The following GOLGA5 variants were observed in gnomAD, a reference collection of about 807,000 sequenced individuals.
GOLGA5 encodes the protein golgin subfamily A member 5.
GOLGA5 carries 50 observed loss-of-function variants against 93.5 expected under a neutral mutation model. The ratio of observed to expected loss-of-function variants is 0.53; its 90% confidence interval spans 0.43 to 0.68. The LOEUF (loss-of-function observed/expected upper bound fraction) is 0.68, where lower values mean the gene tolerates loss of function less well. GOLGA5 is among the 30% of genes least tolerant of loss of function. The probability of loss-of-function intolerance (pLI) is 0.00; values close to 1 mark genes in which losing one functional copy is unlikely to be tolerated. For missense variants in GOLGA5, 760 were observed against 856.4 expected, an observed-to-expected ratio of 0.89 and a Z score of 1.40; for synonymous variants, 312 against 304.5, an observed-to-expected ratio of 1.02 and a Z score of -0.26.
In GOLGA5 at chr14:92,799,839, T is replaced by G. The variant is rs1253016948; in HGVS notation, c.544+1858T>G. 2.7e-5 allele frequency among the ~76,000 whole-genome samples: 4 copies of G among 149,310 alleles called. No homozygotes were observed. In the East Asian group the frequency reaches 8.2e-4, roughly 30 times the overall value. On this transcript the variant is annotated intron_variant, in intron 2 of 12. Coordinates refer to ENST00000163416, the MANE Select transcript of GOLGA5 (RefSeq NM_005113.4). ...CCAGGCTGGTCTTGAACTCCGGACC[T>G]CAAGTCATCTGCCCACCTTGGCCTC...
At chr14:92,814,583 A>T (rs1595596540) in intron 6 of GOLGA5, among the ~76,000 whole-genome samples, 1 of 152,320 alleles carries the variant, frequency 6.6e-6, no homozygotes, top group East Asian at 1.9e-4. Context: ...AAAAATCTTA[A>T]AATGTTATAA....
chr14:92,821,379 T>G (rs918840875), intron 8 of GOLGA5, among the ~76,000 whole-genome samples: 1 of 152,170 alleles, frequency 6.6e-6, no homozygotes, highest in African/African-American at 2.4e-5. Flanking sequence ...CAAGCCAAAT[T>G]ATTTTACTTT....
intron 1 of GOLGA5, among the ~76,000 whole-genome samples, chr14:92,795,227 C>G (rs1175094220): frequency 6.6e-6 from 1 of 152,236 alleles, no homozygotes; most frequent in Non-Finnish European, 1.5e-5. Flanking sequence ...GCGTGAGCCA[C>G]AGTGCCTGGC....
rs765789948 is a variant in GOLGA5 at position 92,819,739 on chromosome 14, A to G, written c.1523A>G (p.Glu508Gly). The change falls in exon 8 of 13, where the codon GAA (glutamate) becomes GGA (glycine). Residue 508 changes from glutamate (E) to glycine (G), a missense_variant. Glu to Gly is a moderately conservative substitution (Grantham distance 98). Transcript: ENST00000163416. Reference protein sequence around the residue: ...DMEAQQVNEAESAREQLQDLH... With the variant: ...DMEAQQVNEAGSAREQLQDLH... ...GAGGCACAGCAAGTTAATGAAGCAG[A>G]ATCAGCAAGAGAACAGTTACAGGAT... is the stretch of plus-strand genomic sequence containing the variant. 29 of 1,613,936 alleles carry G rather than the reference A, an allele frequency of 1.8e-5. No individual in the cohort carries two copies. In the South Asian group the frequency reaches 3.1e-4, roughly 17 times the overall value.
At chr14:92,808,888 G>A (rs1885047052) in intron 3 of GOLGA5, among the ~76,000 whole-genome samples, 1 of 152,176 alleles carries the variant, frequency 6.6e-6, no homozygotes, top group African/African-American at 2.4e-5. Flanking sequence ...TTTTGCAACA[G>A]TAATTGAAAG....
chr14:92,816,568 CCTCTT>C (rs1436204037), intron 7 of GOLGA5, 147 bp downstream of exon 7: 13 of 633,376 alleles, frequency 2.1e-5, no homozygotes, highest in Non-Finnish European at 3.0e-5. Context: ...TCCTCCTCTT[CCTCTT>C]CTCTTCTTTT....
At chr14:92,830,909 CTT>C (rs938494627) in intron 9 of GOLGA5, among the ~76,000 whole-genome samples, 3 of 152,154 alleles carry the variant, frequency 2.0e-5, no homozygotes, top group Admixed American at 6.6e-5. Flanking sequence ...CTAAATATAA[CTT>C]TTATATGCAC....
chr14:92,819,631 TAAAAAAG>T lies in GOLGA5; in HGVS notation c.1492-71_1492-65del, dbSNP rs1885274934. 2.0e-5 allele frequency: 29 copies of T among 1,482,468 alleles called. 1 individual carries two copies. In the Middle Eastern group the frequency reaches 5.3e-4, roughly 27 times the overall value. 91.8% of individuals were successfully genotyped at this position (1,482,468 alleles called of 1,614,324 possible). A position where few individuals can be genotyped will look rare whatever the true frequency, so the allele number is the denominator to read the frequency against. Reference sequence around the variant, plus strand: ...CTGGGTGACGTGAGACTCTGATTCTTAAAAAAGAAAAATTGCTCAATAAATGTTGAAC... The same window carrying T: ...CTGGGTGACGTGAGACTCTGATTCTTAAAAATTGCTCAATAAATGTTGAAC... On this transcript the variant is annotated intron_variant, in intron 7 of 12. Transcript: ENST00000163416.
intron 11 of GOLGA5, among the ~76,000 whole-genome samples, chr14:92,835,958 TAA>T (rs1885633345): frequency 6.6e-6 from 1 of 152,168 alleles, no homozygotes; most frequent in Non-Finnish European, 1.5e-5. Context: ...TTTTCTATAA[TAA>T]ATTCTATTTT....
In GOLGA5 at chr14:92,837,263, G is replaced by T. The variant is rs190708107; in HGVS notation, c.2052-123G>T. 216 of 549,944 alleles carry T rather than the reference G, an allele frequency of 3.9e-4. No homozygotes were observed. In the East Asian group the frequency reaches 5.7e-3, roughly 14 times the overall value. The allele number at this position is 549,944 out of a possible 1,614,324, so 34.1% of individuals were successfully genotyped here. A position where few individuals can be genotyped will look rare whatever the true frequency, so the allele number is the denominator to read the frequency against. ...TCTGCTATAAAAATTGTTCTTCTGT[G>T]GTAGCCACATAAATAGTTTAAATGA... On this transcript the variant is annotated intron_variant, in intron 11 of 12. Coordinates refer to ENST00000163416, the MANE Select transcript of GOLGA5 (RefSeq NM_005113.4).
rs142129212 is a variant in GOLGA5, at chr14:92,808,129, G to A, written c.772+1166G>A. On this transcript the variant is annotated intron_variant, in intron 3 of 12. Transcript: ENST00000163416. ...CGTGCCTGTTATTCCAGCTACTCAG[G>A]AGGCTGAGGGAGGAGAATTGCCTGA... Among the ~76,000 whole-genome samples, 194 of 152,246 alleles carry A rather than the reference G, an allele frequency of 1.3e-3. 2 individuals are homozygous for A. In the East Asian group the frequency reaches 0.034, roughly 27 times the overall value.
rs1482279506 is a variant in GOLGA5 at position 92,839,423 on chromosome 14, C to T, written c.2173C>T (p.His725Tyr). Residue 725 changes from histidine (H) to tyrosine (Y), a missense_variant, in exon 13 of 13, where the codon CAC (histidine) becomes TAC (tyrosine). Coordinates refer to ENST00000163416, the MANE Select transcript of GOLGA5 (RefSeq NM_005113.4). The stretch of plus-strand genomic sequence containing the variant: ...GTTGACTTACACACCAGAAATGCAC[C>T]ACGACCAACCATATGGCAAATGAAC... The part of the protein sequence containing the change: ...VLLTYTPEMH[H>Y]DQPYGK 3.7e-6 allele frequency: 6 copies of T among 1,609,248 alleles called. No individual in the cohort carries two copies. In the Admixed American group the frequency reaches 6.7e-5, roughly 18 times the overall value.
chr14:92,837,365 C>T (rs1419856026), intron 11 of GOLGA5, 21 bp from the exon 12 acceptor site: 2 of 1,339,530 alleles, frequency 1.5e-6, no homozygotes, highest in African/African-American at 1.4e-5. Context: ...TCCTCTCCCC[C>T]TCACACCTGT....
chr14:92,836,025 A>G (rs1885634728), intron 11 of GOLGA5, among the ~76,000 whole-genome samples: 1 of 152,046 alleles, frequency 6.6e-6, no homozygotes, highest in South Asian at 2.1e-4. Flanking sequence ...AAAAGTATCC[A>G]TTTGAATGTT....
At chr14:92,809,634 G>T (rs746470513) in intron 4 of GOLGA5, 115 bp downstream of exon 4, 5 of 700,268 alleles carry the variant, frequency 7.1e-6, no homozygotes, top group Non-Finnish European at 1.2e-5. Context: ...ATTTCTTTTG[G>T]TAGTGTTAGA....
intron 11 of GOLGA5, among the ~76,000 whole-genome samples, 156 bp from the exon 12 acceptor site, chr14:92,837,230 T>C (rs904693841): frequency 2.0e-5 from 3 of 152,232 alleles, no homozygotes; most frequent in Non-Finnish European, 2.9e-5. Context: ...CAAGTAATCA[T>C]TTAACAGTCT....
chr14:92,833,928 G>C (rs1885582686), intron 10 of GOLGA5, among the ~76,000 whole-genome samples: 1 of 151,044 alleles, frequency 6.6e-6, no homozygotes, highest in South Asian at 2.1e-4. Flanking sequence ...CTGGGTGCCA[G>C]GTATGGGGAT....
At chr14:92,835,800 T>C (rs1041202157) in intron 11 of GOLGA5, 136 bp downstream of exon 11, 6 of 505,896 alleles carry the variant, frequency 1.2e-5, no homozygotes, top group South Asian at 7.7e-5. Flanking sequence ...TTTATACTTA[T>C]ATACACTTTT....
At position 92,816,346 on chromosome 14, in the gene GOLGA5, G is replaced by A; in HGVS notation, c.1416G>A (p.Arg472=). 6.2e-7 allele frequency: 1 copy of A among 1,613,986 alleles called. No individual in the cohort carries two copies. Among genetic ancestry groups the A allele is most frequent in the Non-Finnish European group, 8.5e-7 (1 of 1,179,854 alleles). The change falls in exon 7 of 13, where the codon CGG becomes CGA. Residue 472 remains arginine, a synonymous_variant. Transcript: ENST00000163416. ...GTAGCATGGAGCTGGAAGAACTTCG[G>A]CATGAGAAAGAGATGCAGAGGGAGG... ...TASSMELEEL[R]HEKEMQREEI...
Sources: allele counts gnomAD v4.1 joint callset (sites outside exome capture counted in the v4.1 genomes callset), GRCh38; gene constraint gnomAD v4.1.1; transcripts MANE v1.5; gene names NCBI Gene and HGNC (gene_info 2026-07-23, HGNC 2026-07-21).